The following TENT4B variants were observed in gnomAD, a reference collection of about 807,000 sequenced individuals.
The protein encoded by TENT4B is terminal nucleotidyltransferase 4B.
Under a neutral mutation model 75.0 loss-of-function variants are expected in TENT4B, and 10 were observed. That is an observed-to-expected ratio of 0.13 (90% CI 0.08 to 0.23). The LOEUF (loss-of-function observed/expected upper bound fraction) is 0.23, where lower values mean the gene tolerates loss of function less well. TENT4B is among the 10% of genes least tolerant of loss of function. The probability of loss-of-function intolerance (pLI) is 1.00; values close to 1 mark genes in which losing one functional copy is unlikely to be tolerated. For missense variants in TENT4B, 579 were observed against 893.8 expected, an observed-to-expected ratio of 0.65 and a Z score of 4.49; for synonymous variants, 350 against 357.7, an observed-to-expected ratio of 0.98 and a Z score of 0.24.
At chr16:50,164,829 AT>A (rs2038068843) in intron 1 of TENT4B, among the ~76,000 whole-genome samples, 1 of 151,822 alleles carries the variant, frequency 6.6e-6, no homozygotes, top group South Asian at 2.1e-4. Flanking sequence ...AGGCAGGTGG[AT>A]CGCTTGAGTC....
chr16:50,167,133 A>T (rs745434247), intron 1 of TENT4B, among the ~76,000 whole-genome samples: 1 of 152,158 alleles, frequency 6.6e-6, no homozygotes, highest in Non-Finnish European at 1.5e-5. Context: ...CAATCTTTTG[A>T]CTTCCCTGGG....
chr16:50,158,774 G>C (rs2037948594), intron 1 of TENT4B, among the ~76,000 whole-genome samples: 1 of 152,148 alleles, frequency 6.6e-6, no homozygotes. Flanking sequence ...TCAAGACCTT[G>C]TTGGGAAACT....
In TENT4B at chr16:50,184,410, T is replaced by C. The variant is rs547316035; in HGVS notation, c.639-26913T>C. Among the ~76,000 whole-genome samples, 37 of 152,334 alleles carry C rather than the reference T, an allele frequency of 2.4e-4. 1 individual carries two copies. The South Asian group carries it at 7.2e-3, about 30-fold the overall frequency. On this transcript the variant is annotated intron_variant, in intron 1 of 11. Transcript: ENST00000561678. Reference sequence around the variant, plus strand: ...CCGGCCGGGCGCGGTGGCTCACGCCTGTAATCCCAGCACTTTGGGAGGCTG... The same window carrying C: ...CCGGCCGGGCGCGGTGGCTCACGCCCGTAATCCCAGCACTTTGGGAGGCTG...
At chr16:50,207,393 G>A (rs183139455) in intron 1 of TENT4B, among the ~76,000 whole-genome samples, 1 of 151,982 alleles carries the variant, frequency 6.6e-6, no homozygotes, top group African/African-American at 2.4e-5. Flanking sequence ...ATGTCATCCA[G>A]GCTGGTCTCG....
intron 1 of TENT4B, among the ~76,000 whole-genome samples, chr16:50,195,693 T>C (rs2030187482): frequency 1.3e-5 from 2 of 152,232 alleles, no homozygotes; most frequent in Non-Finnish European, 2.9e-5. Context: ...TCATTTTCAT[T>C]AATGAAACTA....
At chr16:50,162,724 G>A (rs1200743047) in intron 1 of TENT4B, among the ~76,000 whole-genome samples, 2 of 152,014 alleles carry the variant, frequency 1.3e-5, no homozygotes, top group Non-Finnish European at 2.9e-5. Flanking sequence ...GTAATTTTCA[G>A]TGTTTCCTTT....
chr16:50,225,208 C>G lies in TENT4B; in HGVS notation c.1723C>G (p.Leu575Val). Residue 575 changes from leucine (L) to valine (V), a missense_variant, in exon 10 of 12, where the codon CTT (leucine) becomes GTT (valine). Leu to Val is a conservative substitution (Grantham distance 32). Coordinates refer to ENST00000561678, the MANE Select transcript of TENT4B (RefSeq NM_001365324.3). ...GKCRSKTSESLSKHSSNSSSG... is the reference protein window; with the variant it reads ...GKCRSKTSESVSKHSSNSSSG... ...ATGTAGAAGTAAAACCTCGGAATCT[C>G]TTAGTAAACACTCTTCAAACTCTTC... 6.2e-7 allele frequency: 1 copy of G among 1,613,986 alleles called. No homozygotes were observed. The highest frequency in any genetic ancestry group is 8.5e-7 in the Non-Finnish European group (1 of 1,179,880).
Position 50,233,037 on chromosome 16 carries a change from TCAG to T in TENT4B, c.*3710_*3712del. On this transcript the variant is annotated 3_prime_UTR_variant, in exon 12 of 12. Coordinates refer to ENST00000561678, the MANE Select transcript of TENT4B (RefSeq NM_001365324.3). Reference sequence around the variant, plus strand: ...CTTGTTCTCCTAGTTCATTAAACTTTCAGTTATTGGAAAGGCACATTCTCAAAG... The same window carrying T: ...CTTGTTCTCCTAGTTCATTAAACTTTTTATTGGAAAGGCACATTCTCAAAG... The T allele has an allele frequency of 1.0e-6, 1 of 984,962 alleles. No individual in the cohort carries two copies. Among genetic ancestry groups the T allele is most frequent in the Non-Finnish European group, 1.2e-6 (1 of 829,480 alleles). 61.0% of individuals were successfully genotyped at this position (984,962 alleles called of 1,614,324 possible).
chr16:50,171,536 T>C (rs761759955), intron 1 of TENT4B, among the ~76,000 whole-genome samples: 3 of 152,210 alleles, frequency 2.0e-5, no homozygotes, highest in African/African-American at 7.2e-5. Context: ...CAGATAGTCA[T>C]GGATTTTTCT....
At chr16:50,179,419 A>G (rs2038370849) in intron 1 of TENT4B, among the ~76,000 whole-genome samples, 1 of 152,042 alleles carries the variant, frequency 6.6e-6, no homozygotes, top group South Asian at 2.1e-4. Flanking sequence ...TTTGGGGCTT[A>G]TGTGACCAGT....
chr16:50,170,948 A>G (rs1597230294), intron 1 of TENT4B, among the ~76,000 whole-genome samples: 1 of 142,194 alleles, frequency 7.0e-6, no homozygotes, highest in East Asian at 2.1e-4. Flanking sequence ...GGCATGAGCC[A>G]CTGTGCCCAG....
chr16:50,233,076 G>C lies in TENT4B; in HGVS notation c.*3748G>C. 1 of 984,496 alleles carries C rather than the reference G, an allele frequency of 1.0e-6. No individual in the cohort carries two copies. Among genetic ancestry groups the C allele is most frequent in the Non-Finnish European group, 1.2e-6 (1 of 829,168 alleles). 61.0% of individuals were successfully genotyped at this position (984,496 alleles called of 1,614,324 possible). ...GGCACATTCTCAAAGTATTTTATGA[G>C]CAAAATATTCTATAAATGCGTCTAA... is the stretch of plus-strand genomic sequence containing the variant. On this transcript the variant is annotated 3_prime_UTR_variant, in exon 12 of 12. Coordinates refer to ENST00000561678, the MANE Select transcript of TENT4B (RefSeq NM_001365324.3).
At chr16:50,153,183 TGGGG>T (rs760198722), upstream of TENT4B, among the ~76,000 whole-genome samples, 4,520 of 21,166 alleles carry the variant, frequency 0.21, 690 homozygotes, top group Middle Eastern at 0.32. Flanking sequence ...GGCGGGGCGG[TGGGG>T]GGGGGGGGCG....
In TENT4B at chr16:50,154,015, CCTCCCTCGGCGTCCTCGT is replaced by C. The variant is rs1271774969; in HGVS notation, c.396_413del (p.Ser134_Pro139del). On this transcript the variant is annotated inframe_deletion, in exon 1 of 12. Transcript: ENST00000561678. ...CCGGGCGGGCTCCTCGGCGTCCTCG[CCTCCCTCGGCGTCCTCGT>C]CCCCGCACCCTTCGGCCGCCGTCCC... 18 of 1,533,558 alleles carry C rather than the reference CCTCCCTCGGCGTCCTCGT, an allele frequency of 1.2e-5. No individual in the cohort carries two copies. The highest frequency in any genetic ancestry group is 1.6e-5 in the Non-Finnish European group (18 of 1,145,816). The allele number at this position is 1,533,558 out of a possible 1,614,324, so 95.0% of individuals were successfully genotyped here.
At chr16:50,157,152 G>A (rs1396121156) in intron 1 of TENT4B, among the ~76,000 whole-genome samples, 1 of 152,168 alleles carries the variant, frequency 6.6e-6, no homozygotes, top group Non-Finnish European at 1.5e-5. Flanking sequence ...GTGGTTCTTG[G>A]CCTCTGAACT....
At chr16:50,193,195 G>C (rs1350676496) in intron 1 of TENT4B, among the ~76,000 whole-genome samples, 1 of 152,164 alleles carries the variant, frequency 6.6e-6, no homozygotes, top group Admixed American at 6.6e-5. Flanking sequence ...GATGTTAAAG[G>C]TGGTGGAACT....
At chr16:50,221,396 CA>C (rs1240561928) in intron 5 of TENT4B, among the ~76,000 whole-genome samples, 6 of 152,178 alleles carry the variant, frequency 3.9e-5, no homozygotes, top group African/African-American at 1.4e-4. Flanking sequence ...ATGTGCACAG[CA>C]AAAGGTGGAC....
Position 50,170,385 on chromosome 16 carries a change from A to G in TENT4B, c.638+16126A>G, listed in dbSNP as rs567378117. ...GCCCTCAGGCTAGCATAACCCATAC[A>G]GCCTTCCTTATAGGAAGATTTCCTA... On this transcript the variant is annotated intron_variant, in intron 1 of 11. Coordinates refer to ENST00000561678, the MANE Select transcript of TENT4B (RefSeq NM_001365324.3). 1.2e-4 allele frequency among the ~76,000 whole-genome samples: 18 copies of G among 152,322 alleles called. No homozygotes were observed. In the East Asian group the frequency reaches 3.3e-3, roughly 28 times the overall value.
chr16:50,162,497 C>T (rs1024156926), intron 1 of TENT4B, among the ~76,000 whole-genome samples: 1 of 152,022 alleles, frequency 6.6e-6, no homozygotes, highest in East Asian at 1.9e-4. Flanking sequence ...TTTATTTGAG[C>T]GGTTCTAATA....
Sources: gnomAD v4.1 joint callset for allele counts (sites outside exome capture counted in the v4.1 genomes callset) on GRCh38, gnomAD v4.1.1 for gene constraint, MANE v1.5 for transcripts, NCBI Gene and HGNC (gene_info 2026-07-23, HGNC 2026-07-21) for gene names.